SCN3A: variants seen among roughly 807,000 people sequenced by gnomAD.
SCN3A encodes the protein sodium channel protein type 3 subunit alpha.
Under a neutral mutation model 187.6 loss-of-function variants are expected in SCN3A, and 60 were observed. That is an observed-to-expected ratio of 0.32 (90% CI 0.26 to 0.40). The LOEUF is 0.40. Among genes scored for constraint, SCN3A ranks in the 10% least tolerant of loss-of-function variants. The probability of loss-of-function intolerance (pLI) is 1.00; values close to 1 mark genes in which losing one functional copy is unlikely to be tolerated. For missense variants in SCN3A, 1,601 were observed against 2,428.2 expected (o/e 0.66, Z 7.16); for synonymous variants, 788 against 829.2 (o/e 0.95, Z 0.85).
intron 3 of SCN3A, among the ~76,000 whole-genome samples, chr2:165,173,111 G>A (rs1356269865): frequency 6.6e-6 from 1 of 152,112 alleles, no homozygotes. Context: ...TTCCTAGAAT[G>A]TTACTTAGAT....
rs201020243 is a variant in SCN3A, at chr2:165,138,077, A to G, written c.2193T>C (p.Tyr731=). Residue 731 remains tyrosine (Y), a synonymous_variant, in exon 15 of 28, where the codon TAT becomes TAC. Coordinates refer to ENST00000283254, the MANE Select transcript of SCN3A (RefSeq NM_006922.4). ...ESRQKCPPCW[Y]RFANVFLIWD... is the part of the protein sequence containing the mutation. ...AGATCAAGAACACATTGGCAAATCT[A>G]TACCAGCATGGCGGACATTTCTGTC... 1 of 1,613,604 alleles carries G rather than the reference A, an allele frequency of 6.2e-7. No homozygotes were observed. The highest frequency in any genetic ancestry group is 8.5e-7 in the Non-Finnish European group (1 of 1,179,598).
At chr2:165,143,190 A>T (rs1341507647) in intron 12 of SCN3A, among the ~76,000 whole-genome samples, 1 of 152,218 alleles carries the variant, frequency 6.6e-6, no homozygotes, top group East Asian at 1.9e-4. Context: ...TTCCTGACAC[A>T]TTCCAGGTGA....
At chr2:165,176,969 G>T (rs186399739) in intron 2 of SCN3A, among the ~76,000 whole-genome samples, 4 of 152,032 alleles carry the variant, frequency 2.6e-5, no homozygotes, top group African/African-American at 9.7e-5. Flanking sequence ...TACAAATGAG[G>T]ATAGAAAATG....
At position 165,096,533 on chromosome 2, in the gene SCN3A, T is replaced by C; in HGVS notation, c.4240-13A>G. On this transcript the variant is annotated splice_polypyrimidine_tract_variant and intron_variant, in intron 23 of 27. Transcript: ENST00000283254. ...CTTTAAATGTGGCCTGTAAATAACATATATTTGAATTGTTCATAAAAATTT... is the reference window on the plus strand; with the variant it reads ...CTTTAAATGTGGCCTGTAAATAACACATATTTGAATTGTTCATAAAAATTT... The C allele has an allele frequency of 6.3e-7, 1 of 1,599,654 alleles. No individual in the cohort carries two copies. The highest frequency in any genetic ancestry group is 1.3e-5 in the African/African-American group (1 of 74,760).
chr2:165,096,348 T>G, intron 24 of SCN3A, 119 bp downstream of exon 24: 2 of 761,032 alleles, frequency 2.6e-6, no homozygotes, highest in South Asian at 3.2e-5. Context: ...ACTGTTCATT[T>G]TTTATATGCA....
At chr2:165,108,817 T>C (rs1229201604) in intron 21 of SCN3A, among the ~76,000 whole-genome samples, 1 of 152,134 alleles carries the variant, frequency 6.6e-6, no homozygotes, top group African/African-American at 2.4e-5. Flanking sequence ...TTTTTGACCT[T>C]CACCTGAGAA....
At chr2:165,136,589 T>A (rs1368370316) in intron 15 of SCN3A, among the ~76,000 whole-genome samples, 1 of 152,190 alleles carries the variant, frequency 6.6e-6, no homozygotes, top group African/African-American at 2.4e-5. Context: ...ACTAGGCAAC[T>A]AAGGTCAAAC....
At chr2:165,184,961 C>T (rs374838348) in intron 2 of SCN3A, among the ~76,000 whole-genome samples, 2 of 151,654 alleles carry the variant, frequency 1.3e-5, no homozygotes, top group East Asian at 1.9e-4. Flanking sequence ...GTTATTGTTC[C>T]GTTTCTATTA....
chr2:165,172,265 A>C (rs1010052428), intron 3 of SCN3A, among the ~76,000 whole-genome samples: 4 of 152,156 alleles, frequency 2.6e-5, no homozygotes, highest in African/African-American at 9.7e-5. Context: ...GAAACTACAC[A>C]GTTTCTCTGT....
At chr2:165,155,680 T>A in intron 10 of SCN3A, 82 bp downstream of exon 10, 1 of 1,525,518 alleles carries the variant, frequency 6.6e-7, no homozygotes, top group Non-Finnish European at 9.1e-7. Flanking sequence ...GTTACAGGCA[T>A]GAGCCACCAC....
At position 165,154,472 on chromosome 2, in the gene SCN3A, T is replaced by C; in HGVS notation, c.1360A>G (p.Lys454Glu). The C allele has an allele frequency of 6.2e-7, 1 of 1,614,162 alleles. No individual in the cohort carries two copies. The highest frequency in any genetic ancestry group is 8.5e-7 in the Non-Finnish European group (1 of 1,179,994). Residue 454 changes from lysine to glutamate, a missense_variant, in exon 11 of 28, where the codon AAG (lysine) becomes GAG (glutamate). Lys to Glu is a moderately conservative substitution (Grantham distance 56, BLOSUM62 1). Transcript: ENST00000283254. ...AGTACCTGAGCTTCTTCCTGTTGCTTTTTAAGCTGTTCGAGCATCTGCTGA... is the reference window on the plus strand; with the variant it reads ...AGTACCTGAGCTTCTTCCTGTTGCTCTTTAAGCTGTTCGAGCATCTGCTGA... Reference protein sequence around the residue: ...EFQQMLEQLKKQQEEAQAVAA... With the variant: ...EFQQMLEQLKEQQEEAQAVAA...
chr2:165,126,104 A>G (rs1686974649), intron 18 of SCN3A, among the ~76,000 whole-genome samples: 2 of 152,198 alleles, frequency 1.3e-5, no homozygotes, highest in South Asian at 4.1e-4. Context: ...ACTTATTTAA[A>G]AAAAAGAGTT....
chr2:165,170,400 G>T (rs755232647), intron 4 of SCN3A, 30 bp downstream of exon 4: 2 of 1,201,128 alleles, frequency 1.7e-6, no homozygotes, highest in African/African-American at 1.5e-5. Context: ...GTTAGAAATA[G>T]CATTTAGGCA....
intron 3 of SCN3A, 26 bp downstream of exon 3, chr2:165,176,105 A>G: frequency 6.2e-7 from 1 of 1,607,124 alleles, no homozygotes; most frequent in Non-Finnish European, 8.5e-7. Flanking sequence ...TTAAAGATTT[A>G]TTAGAAGTCT....
chr2:165,129,301 C>G (rs997652131), intron 17 of SCN3A, among the ~76,000 whole-genome samples: 2 of 152,304 alleles, frequency 1.3e-5, no homozygotes, highest in Non-Finnish European at 2.9e-5. Flanking sequence ...AAAAGTAACT[C>G]CTTTGAGTCT....
intron 2 of SCN3A, among the ~76,000 whole-genome samples, chr2:165,181,707 T>C (rs1471229245): frequency 2.0e-5 from 3 of 152,136 alleles, no homozygotes; most frequent in South Asian, 2.1e-4. Flanking sequence ...TGAATAACCA[T>C]AGTTTGTCAG....
intron 18 of SCN3A, among the ~76,000 whole-genome samples, chr2:165,125,141 T>G (rs933519142): frequency 6.6e-6 from 1 of 152,170 alleles, no homozygotes; most frequent in Non-Finnish European, 1.5e-5. Flanking sequence ...AATACCAAGC[T>G]CACTGTCAGC....
At chr2:165,114,249 A>G (rs1217507934) in intron 19 of SCN3A, among the ~76,000 whole-genome samples, 1 of 152,184 alleles carries the variant, frequency 6.6e-6, no homozygotes, top group Non-Finnish European at 1.5e-5. Flanking sequence ...ATTTTGCCTC[A>G]AGGCCATTGA....
chr2:165,118,778 T>C (rs1686500887), intron 18 of SCN3A, among the ~76,000 whole-genome samples: 1 of 152,034 alleles, frequency 6.6e-6, no homozygotes, highest in Non-Finnish European at 1.5e-5. Context: ...TATTTATTTT[T>C]TTGAGACGGA....
Sources: allele counts gnomAD v4.1 joint callset (sites outside exome capture counted in the v4.1 genomes callset), GRCh38; gene constraint gnomAD v4.1.1; transcripts MANE v1.5; gene names NCBI Gene and HGNC (gene_info 2026-07-23, HGNC 2026-07-21).